Variants in CTNNA3 observed in about 807,000 individuals in gnomAD.
The protein encoded by CTNNA3 is catenin alpha-3.
Under a neutral mutation model 95.7 loss-of-function variants are expected in CTNNA3, and 76 were observed. That is an observed-to-expected ratio of 0.79 (90% CI 0.66 to 0.96). CTNNA3 has a LOEUF of 0.96. Among genes scored for constraint, CTNNA3 ranks in the 40% least tolerant of loss-of-function variants. The pLI is 0.00. For missense variants in CTNNA3, 1,191 were observed against 1,089.8 expected (o/e 1.09, Z -1.31); for synonymous variants, 431 against 374.4 (o/e 1.15, Z -1.74).
At position 66,005,755 on chromosome 10, in the gene CTNNA3, A is replaced by AT. The variant is rs527608567; in HGVS notation, c.2160-16959dup. Among the ~76,000 whole-genome samples the AT allele has an allele frequency of 1.3e-3, 192 of 150,750 alleles. 1 individual carries two copies. Among genetic ancestry groups the AT allele is most frequent in the African/African-American group, 4.4e-3 (181 of 41,062 alleles). On this transcript the variant is annotated intron_variant, in intron 15 of 17. Transcript: ENST00000433211. ...AACCTCTTCTAGGGTAGATGAGAAC[A>AT]TTTTTTTTTCAGGTGATTATTATAT... is the stretch of plus-strand genomic sequence containing the variant.
At chr10:66,699,543 T>C (rs185005695) in intron 9 of CTNNA3, among the ~76,000 whole-genome samples, 120 of 152,318 alleles carry the variant, frequency 7.9e-4, no homozygotes, top group African/African-American at 2.5e-3. Context: ...TAGAAAAATG[T>C]CTATTCAAGT....
chr10:66,643,916 A>G (rs1457151731), intron 9 of CTNNA3, among the ~76,000 whole-genome samples: 1 of 152,192 alleles, frequency 6.6e-6, no homozygotes, highest in Non-Finnish European at 1.5e-5. Flanking sequence ...GCTCTAGTAG[A>G]GAACATTTCA....
At chr10:67,168,737 C>G (rs1185609361) in intron 7 of CTNNA3, among the ~76,000 whole-genome samples, 1 of 152,168 alleles carries the variant, frequency 6.6e-6, no homozygotes, top group East Asian at 1.9e-4. Context: ...TAAGAATGCT[C>G]TCTTGCCACT....
intron 10 of CTNNA3, among the ~76,000 whole-genome samples, chr10:66,547,018 G>A (rs572554984): frequency 6.6e-6 from 1 of 152,128 alleles, no homozygotes; most frequent in East Asian, 1.9e-4. Flanking sequence ...CTCTCTAGTT[G>A]TCCATTTTGG....
chr10:66,551,253 A>G (rs899779793), intron 10 of CTNNA3, among the ~76,000 whole-genome samples: 1 of 151,902 alleles, frequency 6.6e-6, no homozygotes, highest in African/African-American at 2.4e-5. Context: ...ACGGCTTGAC[A>G]GTTCTATTCT....
chr10:67,494,924 T>C (rs1022941282), intron 5 of CTNNA3, among the ~76,000 whole-genome samples: 2 of 152,210 alleles, frequency 1.3e-5, no homozygotes, highest in South Asian at 2.1e-4. Flanking sequence ...AAATAAAACA[T>C]TCCCAGTTAA....
chr10:67,296,560 T>C (rs955090489), intron 5 of CTNNA3, among the ~76,000 whole-genome samples: 3 of 152,214 alleles, frequency 2.0e-5, no homozygotes, highest in Non-Finnish European at 4.4e-5. Flanking sequence ...GGACAAAGCA[T>C]GGCATCCTCC....
intron 1 of CTNNA3, among the ~76,000 whole-genome samples, chr10:67,655,765 A>C (rs1840003897): frequency 6.7e-6 from 1 of 149,688 alleles, no homozygotes; most frequent in Non-Finnish European, 1.5e-5. Context: ...ATCGTGAAAC[A>C]GAGCGAGACT....
intron 9 of CTNNA3, among the ~76,000 whole-genome samples, chr10:66,725,992 G>A (rs144154560): frequency 1.3e-5 from 2 of 151,914 alleles, no homozygotes; most frequent in African/African-American, 4.8e-5. Context: ...GACATTGCAG[G>A]AAAAACAAAA....
chr10:67,576,103 T>C (rs1199005152), intron 3 of CTNNA3, among the ~76,000 whole-genome samples: 4 of 152,178 alleles, frequency 2.6e-5, no homozygotes, highest in African/African-American at 9.6e-5. Flanking sequence ...AAAGATTGCA[T>C]TGATATGTGA....
chr10:67,198,892 A>G (rs1284189446), intron 6 of CTNNA3, among the ~76,000 whole-genome samples: 1 of 152,196 alleles, frequency 6.6e-6, no homozygotes, highest in Non-Finnish European at 1.5e-5. Context: ...TTTTTACCAA[A>G]GAGCCTTATT....
intron 11 of CTNNA3, among the ~76,000 whole-genome samples, chr10:66,406,261 A>T (rs1297429405): frequency 6.6e-6 from 1 of 152,190 alleles, no homozygotes; most frequent in Non-Finnish European, 1.5e-5. Flanking sequence ...CAGTGGTTTG[A>T]TGAAGAAGTG....
intron 7 of CTNNA3, among the ~76,000 whole-genome samples, chr10:67,145,500 G>A (rs752109576): frequency 3.3e-5 from 5 of 150,470 alleles, no homozygotes; most frequent in Non-Finnish European, 7.4e-5. Context: ...GCGCAATCTC[G>A]ACTCACTGCA....
At chr10:67,166,964 G>A (rs1028770954) in intron 7 of CTNNA3, among the ~76,000 whole-genome samples, 14 of 152,066 alleles carry the variant, frequency 9.2e-5, no homozygotes, top group African/African-American at 2.2e-4. Flanking sequence ...AAAATTAGCC[G>A]GGTGTGGTGG....
chr10:66,560,321 G>T (rs1842514482), intron 10 of CTNNA3, among the ~76,000 whole-genome samples: 1 of 151,966 alleles, frequency 6.6e-6, no homozygotes, highest in Non-Finnish European at 1.5e-5. Context: ...CTGTAAAACA[G>T]TAACCTACCT....
chr10:66,732,582 A>T (rs1848996814), intron 9 of CTNNA3, among the ~76,000 whole-genome samples: 1 of 152,146 alleles, frequency 6.6e-6, no homozygotes, highest in Non-Finnish European at 1.5e-5. Flanking sequence ...GAGAAGTACC[A>T]AGCAAAGAGG....
At chr10:67,615,657 CTTTTTT>C (rs746378840) in intron 2 of CTNNA3, among the ~76,000 whole-genome samples, 19 of 102,142 alleles carry the variant, frequency 1.9e-4, no homozygotes, top group African/African-American at 5.9e-4. Flanking sequence ...GGCAGGTATT[CTTTTTT>C]TTTTTTTTTT....
At chr10:66,800,259 TAACAC>T (rs1159312205) in intron 7 of CTNNA3, among the ~76,000 whole-genome samples, 1 of 151,322 alleles carries the variant, frequency 6.6e-6, no homozygotes, top group Non-Finnish European at 1.5e-5. Flanking sequence ...TAATAAATGA[TAACAC>T]AATATGTTCA....
intron 7 of CTNNA3, among the ~76,000 whole-genome samples, chr10:66,918,819 T>TAG (rs553999408): frequency 6.0e-5 from 9 of 150,308 alleles, no homozygotes; most frequent in Admixed American, 4.0e-4. Flanking sequence ...GATAGATAAA[T>TAG]AGAGAGAGAG....
Sources: allele counts gnomAD v4.1 joint callset (sites outside exome capture counted in the v4.1 genomes callset), GRCh38; gene constraint gnomAD v4.1.1; transcripts MANE v1.5; gene names NCBI Gene and HGNC (gene_info 2026-07-23, HGNC 2026-07-21).